Variants in MSRA observed in about 807,000 individuals in gnomAD.
MSRA encodes methionine sulfoxide reductase A.
Under a neutral mutation model 31.3 loss-of-function variants are expected in MSRA, and 54 were observed. The ratio of observed to expected loss-of-function variants is 1.73; its 90% CI spans 1.39 to 2.17. The LOEUF (loss-of-function observed/expected upper bound fraction) is 2.17. Ranked by LOEUF, MSRA falls within the 30% of genes most tolerant of loss-of-function variation. The pLI, the probability that MSRA is intolerant of heterozygous loss-of-function variation, is 0.00. For missense variants in MSRA, 507 were observed against 300.9 expected (o/e 1.69, Z -5.07); for synonymous variants, 169 against 116.5 (o/e 1.45, Z -2.90).
intron 2 of MSRA, among the ~76,000 whole-genome samples, chr8:10,225,375 A>G (rs2129069920): frequency 6.6e-6 from 1 of 152,250 alleles, no homozygotes; most frequent in East Asian, 1.9e-4. Context: ...TGGATTACCC[A>G]TCTCTGCCTG....
Position 10,392,890 on chromosome 8 carries a change from C to CAAAAA in MSRA, c.544-35240_544-35236dup, listed in dbSNP as rs869085304. Among the ~76,000 whole-genome samples, 128 of 113,248 alleles carry CAAAAA rather than the reference C, an allele frequency of 1.1e-3. 1 individual carries two copies. The highest frequency in any genetic ancestry group is 1.5e-3 in the African/African-American group (39 of 25,386). 74.3% of individuals were successfully genotyped at this position (113,248 alleles called of 152,430 possible). ...TAAAACCCCGTCTCTACTAAAAATGCAAAAAAAAAAAAAAAAAAAAAATTA... is the reference window on the plus strand; with the variant it reads ...TAAAACCCCGTCTCTACTAAAAATGCAAAAAAAAAAAAAAAAAAAAAAAAAAATTA... On this transcript the variant is annotated intron_variant, in intron 5 of 5. Transcript: ENST00000317173.
intron 1 of MSRA, among the ~76,000 whole-genome samples, chr8:10,068,504 G>C (rs1469366765): frequency 6.6e-6 from 1 of 152,220 alleles, no homozygotes; most frequent in Non-Finnish European, 1.5e-5. Flanking sequence ...TAAGGTCTGT[G>C]TCTAGATTTA....
chr8:10,094,460 C>T (rs1171079926), intron 1 of MSRA, among the ~76,000 whole-genome samples: 3 of 152,192 alleles, frequency 2.0e-5, no homozygotes, highest in Admixed American at 6.5e-5. Flanking sequence ...ATGAAGGTAT[C>T]TATGTGCATA....
chr8:10,082,930 G>T (rs1798367260), intron 1 of MSRA, among the ~76,000 whole-genome samples: 1 of 152,372 alleles, frequency 6.6e-6, no homozygotes, highest in East Asian at 1.9e-4. Flanking sequence ...TGGATGATTA[G>T]AAAAGTTAAT....
At chr8:10,110,723 C>G (rs1371411029) in intron 1 of MSRA, among the ~76,000 whole-genome samples, 1 of 152,172 alleles carries the variant, frequency 6.6e-6, no homozygotes, top group Non-Finnish European at 1.5e-5. Context: ...CCTGTGCTGT[C>G]TTTGGTAAGT....
chr8:10,079,443 C>G lies in MSRA; in HGVS notation c.142+24785C>G, dbSNP rs1428367640. On this transcript the variant is annotated intron_variant, in intron 1 of 5. Transcript: ENST00000317173. The stretch of plus-strand genomic sequence containing the variant: ...GTGCTGGACTTACAGGTGTGAGCCA[C>G]CACACCCGACCATGTTTGTTCTAGA... Among the ~76,000 whole-genome samples, 3 of 152,250 alleles carry G rather than the reference C, an allele frequency of 2.0e-5. 1 individual carries two copies. Among genetic ancestry groups the G allele is most frequent in the Non-Finnish European group, 4.4e-5 (3 of 68,030 alleles).
At chr8:10,394,735 T>C (rs1806987208) in intron 5 of MSRA, among the ~76,000 whole-genome samples, 1 of 152,236 alleles carries the variant, frequency 6.6e-6, no homozygotes, top group African/African-American at 2.4e-5. Context: ...GCAGATTGTA[T>C]CAGCTGCTTT....
chr8:10,167,008 TC>T, intron 1 of MSRA, among the ~76,000 whole-genome samples: 1 of 152,240 alleles, frequency 6.6e-6, no homozygotes, highest in Middle Eastern at 3.4e-3. Context: ...CATGGAGAAG[TC>T]AGTTTACAAG....
At chr8:10,263,467 C>T (rs188589338) in intron 3 of MSRA, among the ~76,000 whole-genome samples, 1 of 152,218 alleles carries the variant, frequency 6.6e-6, no homozygotes, top group Non-Finnish European at 1.5e-5. Context: ...TAGGTTAATG[C>T]CATATGCATT....
chr8:10,251,044 C>G (rs1797890093), intron 3 of MSRA: 1 of 152,218 alleles, frequency 6.6e-6, no homozygotes, highest in African/African-American at 2.4e-5. Flanking sequence ...ATGCCTGGCA[C>G]AGCACACGGA....
At chr8:10,238,495 C>G (rs990044590) in intron 2 of MSRA, among the ~76,000 whole-genome samples, 2 of 152,120 alleles carry the variant, frequency 1.3e-5, no homozygotes, top group Admixed American at 1.3e-4. Flanking sequence ...AGAGCACTTC[C>G]TGGCATATAG....
chr8:10,197,837 T>A (rs1808128299), intron 1 of MSRA, among the ~76,000 whole-genome samples: 1 of 152,136 alleles, frequency 6.6e-6, no homozygotes. Context: ...CCGAACAGCT[T>A]GAGTGTGCGT....
At chr8:10,147,670 A>T (rs924878014) in intron 1 of MSRA, among the ~76,000 whole-genome samples, 27 of 152,260 alleles carry the variant, frequency 1.8e-4, no homozygotes, top group Non-Finnish European at 3.8e-4. Flanking sequence ...TGCTCTTGGC[A>T]TGGCCATCTG....
At chr8:10,079,624 G>A (rs528442724) in intron 1 of MSRA, among the ~76,000 whole-genome samples, 29 of 152,036 alleles carry the variant, frequency 1.9e-4, no homozygotes, top group South Asian at 4.2e-4. Context: ...TTCCTTCCCC[G>A]CAGTGTCCCT....
At chr8:10,397,695 C>T (rs1287281484) in intron 5 of MSRA, among the ~76,000 whole-genome samples, 1 of 152,218 alleles carries the variant, frequency 6.6e-6, no homozygotes, top group African/African-American at 2.4e-5. Flanking sequence ...CTACCTTATT[C>T]ATGCTCTCAT....
At chr8:10,088,074 G>C (rs1464112498) in intron 1 of MSRA, among the ~76,000 whole-genome samples, 2 of 152,088 alleles carry the variant, frequency 1.3e-5, no homozygotes, top group Non-Finnish European at 2.9e-5. Flanking sequence ...GGGCTCCTTG[G>C]AAGGAAGTTT....
intron 2 of MSRA, among the ~76,000 whole-genome samples, chr8:10,225,314 C>A (rs1810897668): frequency 6.6e-6 from 1 of 152,068 alleles, no homozygotes; most frequent in South Asian, 2.1e-4. Flanking sequence ...TTCTTTGTGC[C>A]TTTGTTTATG....
chr8:10,125,582 C>T (rs902460135), intron 1 of MSRA, among the ~76,000 whole-genome samples: 1 of 152,158 alleles, frequency 6.6e-6, no homozygotes, highest in African/African-American at 2.4e-5. Context: ...GCTCCTGAAC[C>T]GGGCTAAGGA....
At chr8:10,425,931 AC>A (rs561995750) in intron 5 of MSRA, among the ~76,000 whole-genome samples, 50 of 152,322 alleles carry the variant, frequency 3.3e-4, no homozygotes, top group Non-Finnish European at 5.9e-4. Flanking sequence ...TCAGGCCCTC[AC>A]CGTGCCTTTT....
Sources: allele counts gnomAD v4.1 joint callset (sites outside exome capture counted in the v4.1 genomes callset), GRCh38; gene constraint gnomAD v4.1.1; transcripts MANE v1.5; gene names NCBI Gene and HGNC (gene_info 2026-07-23, HGNC 2026-07-21).